Variants in FHIT observed in about 807,000 individuals in gnomAD.
FHIT encodes bis(5'-adenosyl)-triphosphatase.
FHIT carries 19 observed loss-of-function variants against 17.9 expected under a neutral mutation model. That is an observed-to-expected ratio of 1.06 (90% CI 0.74 to 1.56). The LOEUF (loss-of-function observed/expected upper bound fraction) is 1.56, where lower values mean the gene tolerates loss of function less well. Among genes scored for constraint, FHIT ranks in the 40% most tolerant of loss-of-function variants. FHIT has a pLI of 0.00. For missense variants in FHIT, 248 were observed against 189.2 expected (o/e 1.31, Z -1.82); for synonymous variants, 81 against 69.7 (o/e 1.16, Z -0.81).
chr3:59,954,683 G>A (rs1450558223), intron 7 of FHIT, among the ~76,000 whole-genome samples: 1 of 152,184 alleles, frequency 6.6e-6, no homozygotes, highest in Non-Finnish European at 1.5e-5. Context: ...TGTTGAACAT[G>A]TTCCAGAAAA....
chr3:60,949,765 C>CT (rs1559856991), intron 3 of FHIT, among the ~76,000 whole-genome samples: 1 of 151,972 alleles, frequency 6.6e-6, no homozygotes, highest in Non-Finnish European at 1.5e-5. Context: ...TTGCAGATTT[C>CT]TTTTTTAAAA....
rs550900020 is a variant in FHIT at position 60,880,453 on chromosome 3, C to T, written c.-110-58442G>A. Among the ~76,000 whole-genome samples, 3 of 152,322 alleles carry T rather than the reference C, an allele frequency of 2.0e-5. No homozygotes were observed. The South Asian group carries it at 6.2e-4, about 32-fold the overall frequency. ...AAAGTATAAAACTCACTGGTAGAGG[C>T]TGAGCATGGTGGCTTACGCCTATAA... On this transcript the variant is annotated intron_variant, in intron 3 of 9. Coordinates refer to ENST00000492590, the MANE Select transcript of FHIT (RefSeq NM_002012.4).
chr3:60,128,088 A>G (rs755378391), intron 5 of FHIT, among the ~76,000 whole-genome samples: 4 of 152,246 alleles, frequency 2.6e-5, no homozygotes, highest in Non-Finnish European at 5.9e-5. Flanking sequence ...GTGTTGAAAC[A>G]ACATTGAGTA....
chr3:60,926,314 C>A (rs1433252446), intron 3 of FHIT, among the ~76,000 whole-genome samples: 1 of 151,644 alleles, frequency 6.6e-6, no homozygotes, highest in East Asian at 1.9e-4. Flanking sequence ...AAGTAAAGCA[C>A]TCCTCAGCAA....
chr3:60,900,061 A>T (rs988110007), intron 3 of FHIT, among the ~76,000 whole-genome samples: 2 of 152,156 alleles, frequency 1.3e-5, no homozygotes, highest in African/African-American at 4.8e-5. Context: ...CAATACAAAG[A>T]AAGAGTTGGG....
intron 3 of FHIT, among the ~76,000 whole-genome samples, chr3:60,920,692 C>T (rs570629947): frequency 8.5e-4 from 129 of 152,088 alleles, no homozygotes; most frequent in African/African-American, 2.9e-3. Flanking sequence ...GTAAACAAGG[C>T]GTGGGGAGAA....
At chr3:60,927,624 T>G (rs1284377140) in intron 3 of FHIT, among the ~76,000 whole-genome samples, 1 of 150,976 alleles carries the variant, frequency 6.6e-6, no homozygotes, top group Non-Finnish European at 1.5e-5. Context: ...GGAGCGCCTC[T>G]GCCCGGCCGC....
At chr3:61,128,573 C>T (rs1447641787) in intron 2 of FHIT, among the ~76,000 whole-genome samples, 4 of 151,970 alleles carry the variant, frequency 2.6e-5, no homozygotes, top group African/African-American at 9.7e-5. Flanking sequence ...TATGTGGGCC[C>T]GTCCTAGTTT....
chr3:59,749,427 G>A lies in FHIT; in HGVS notation c.*158C>T, dbSNP rs528893056. The A allele has an allele frequency of 2.5e-3, 574 of 231,798 alleles. 6 individuals carry two copies. The highest frequency in any genetic ancestry group is 0.011 in the African/African-American group (520 of 45,336). 14.4% of individuals were successfully genotyped at this position (231,798 alleles called of 1,614,324 possible). A position where few individuals can be genotyped will look rare whatever the true frequency, so the allele number is the denominator to read the frequency against. On this transcript the variant is annotated 3_prime_UTR_variant, in exon 10 of 10. Coordinates refer to ENST00000492590, the MANE Select transcript of FHIT (RefSeq NM_002012.4). ...GTATTTTAAGGGAGTTGGAGTGACC[G>A]AGGTGGGGGATCACTGGTTGAAGAA...
intron 3 of FHIT, among the ~76,000 whole-genome samples, chr3:60,917,823 T>C (rs1218063736): frequency 6.6e-6 from 1 of 152,216 alleles, no homozygotes; most frequent in Admixed American, 6.5e-5. Context: ...GTATATCTGT[T>C]CATTCTGTAT....
At chr3:60,744,258 C>CAAAAAAA (rs371224955) in intron 4 of FHIT, among the ~76,000 whole-genome samples, 4 of 95,638 alleles carry the variant, frequency 4.2e-5, no homozygotes, top group African/African-American at 4.1e-5. Context: ...AAAAAAAAAA[C>CAAAAAAA]AAAACAAAAC....
chr3:60,241,563 TGAAA>T (rs1338687351), intron 5 of FHIT, among the ~76,000 whole-genome samples: 2 of 152,036 alleles, frequency 1.3e-5, no homozygotes, highest in Non-Finnish European at 2.9e-5. Flanking sequence ...TTGTAAGGGT[TGAAA>T]GAAAGAGAAA....
intron 4 of FHIT, chr3:60,690,573 C>T (rs1182936389): frequency 1.8e-6 from 1 of 544,668 alleles, no homozygotes; most frequent in Non-Finnish European, 3.7e-6. Flanking sequence ...AGCAGTAACC[C>T]TCATAATCAA....
At chr3:61,023,307 A>G (rs181256230) in intron 3 of FHIT, among the ~76,000 whole-genome samples, 2,936 of 152,346 alleles carry the variant, frequency 0.019, 45 homozygotes, top group Non-Finnish European at 0.031. Flanking sequence ...GACCTCTTCA[A>G]GGAGAACTAC....
At chr3:60,053,594 A>G (rs543753175) in intron 5 of FHIT, among the ~76,000 whole-genome samples, 1 of 152,124 alleles carries the variant, frequency 6.6e-6, no homozygotes, top group African/African-American at 2.4e-5. Context: ...GAACTCTATC[A>G]ACATTAATGC....
chr3:61,193,510 T>G (rs2038773139), intron 2 of FHIT, among the ~76,000 whole-genome samples: 1 of 152,190 alleles, frequency 6.6e-6, no homozygotes, highest in Non-Finnish European at 1.5e-5. Flanking sequence ...TTAAAAATGT[T>G]TTATGCTATA....
At chr3:60,504,713 A>T (rs1290307682) in intron 5 of FHIT, among the ~76,000 whole-genome samples, 1 of 152,238 alleles carries the variant, frequency 6.6e-6, no homozygotes, top group Non-Finnish European at 1.5e-5. Flanking sequence ...AATATGCTTT[A>T]GAAATATGTG....
chr3:59,920,898 G>A (rs955446295), intron 8 of FHIT, among the ~76,000 whole-genome samples: 2 of 152,102 alleles, frequency 1.3e-5, no homozygotes, highest in African/African-American at 4.8e-5. Flanking sequence ...AAAACCCAGA[G>A]AGCCTATTCC....
At chr3:60,288,594 T>C (rs949463955) in intron 5 of FHIT, among the ~76,000 whole-genome samples, 1 of 149,402 alleles carries the variant, frequency 6.7e-6, no homozygotes, top group African/African-American at 2.4e-5. Context: ...TGTGTGTGTG[T>C]GTGTGTGTGT....
Sources: allele counts gnomAD v4.1 joint callset (sites outside exome capture counted in the v4.1 genomes callset), GRCh38; gene constraint gnomAD v4.1.1; transcripts MANE v1.5; gene names NCBI Gene and HGNC (gene_info 2026-07-23, HGNC 2026-07-21).